PHIP: variants seen among roughly 807,000 people sequenced by gnomAD.
PHIP encodes PH-interacting protein.
In PHIP, 54 loss-of-function variants were observed where a neutral mutation model predicts 236.8. The observed-to-expected ratio is 0.23, with a 90% CI of 0.18 to 0.29. PHIP has a LOEUF of 0.29. Among genes scored for constraint, PHIP ranks in the 10% least tolerant of loss-of-function variants. PHIP has a pLI of 1.00. For synonymous variants in PHIP, 756 were observed against 718.9 expected, an observed-to-expected ratio of 1.05 and a Z score of -0.83; for missense variants, 1,370 against 2,190.8, an observed-to-expected ratio of 0.63 and a Z score of 7.48.
At chr6:79,010,386 C>T (rs1444870774) in intron 15 of PHIP, among the ~76,000 whole-genome samples, 1 of 150,510 alleles carries the variant, frequency 6.6e-6, no homozygotes, top group East Asian at 1.9e-4. Flanking sequence ...TTAGTGGACA[C>T]TGGAACTTTT....
At chr6:78,952,262 T>C (rs1368471686) in intron 35 of PHIP, among the ~76,000 whole-genome samples, 1 of 151,598 alleles carries the variant, frequency 6.6e-6, no homozygotes, top group Non-Finnish European at 1.5e-5. Flanking sequence ...CTACTAAAAA[T>C]ATACAAATTA....
chr6:78,975,477 T>C (rs914764865), intron 24 of PHIP, among the ~76,000 whole-genome samples: 20 of 152,018 alleles, frequency 1.3e-4, no homozygotes, highest in South Asian at 2.1e-4. Flanking sequence ...ACAGGGATGC[T>C]CTCTCTCACC....
At chr6:78,986,552 C>T (rs2127720608) in intron 21 of PHIP, among the ~76,000 whole-genome samples, 1 of 152,298 alleles carries the variant, frequency 6.6e-6, no homozygotes, top group African/African-American at 2.4e-5. Flanking sequence ...CAAGGCGGCA[C>T]AACTAATAAG....
At chr6:78,950,676 G>T (rs1436777357) in intron 35 of PHIP, among the ~76,000 whole-genome samples, 1 of 151,930 alleles carries the variant, frequency 6.6e-6, no homozygotes, top group Admixed American at 6.6e-5. Context: ...TATTTGCAGG[G>T]TCTACAGTGA....
At chr6:78,990,663 T>C (rs1383120526) in intron 20 of PHIP, among the ~76,000 whole-genome samples, 1 of 152,084 alleles carries the variant, frequency 6.6e-6, no homozygotes, top group Non-Finnish European at 1.5e-5. Context: ...AATTGGCACT[T>C]TGGGAAAGGG....
At chr6:78,971,542 G>T (rs893289462) in intron 24 of PHIP, among the ~76,000 whole-genome samples, 2 of 152,170 alleles carry the variant, frequency 1.3e-5, no homozygotes, top group African/African-American at 4.8e-5. Flanking sequence ...GGCCGAATAG[G>T]AACAGCTCCG....
rs961456942 is a variant in PHIP at position 79,060,344 on chromosome 6, T to A, written c.439+134A>T. 6.9e-5 allele frequency: 38 copies of A among 552,604 alleles called. No individual in the cohort carries two copies. In the Admixed American group the frequency reaches 8.5e-4, roughly 12 times the overall value. The allele number at this position is 552,604 out of a possible 1,614,324, so 34.2% of individuals were successfully genotyped here. ...TTAAAACTACTACTAAGAAAAAAAATCTATTTTTTTCTTTTTGAATGCAGA... is the reference window on the plus strand; with the variant it reads ...TTAAAACTACTACTAAGAAAAAAAAACTATTTTTTTCTTTTTGAATGCAGA... On this transcript the variant is annotated intron_variant, in intron 6 of 39. Coordinates refer to ENST00000275034, the MANE Select transcript of PHIP (RefSeq NM_017934.7).
At chr6:79,077,062 G>T (rs1231292373) in intron 4 of PHIP, among the ~76,000 whole-genome samples, 2 of 152,196 alleles carry the variant, frequency 1.3e-5, no homozygotes, top group Admixed American at 6.5e-5. Flanking sequence ...CGTGCAGAGC[G>T]AGCAAGCGAA....
chr6:79,078,109 C>A lies in PHIP; in HGVS notation c.-41G>T, dbSNP rs775367513. On this transcript the variant is annotated 5_prime_UTR_variant, in exon 1 of 40. Coordinates refer to ENST00000275034, the MANE Select transcript of PHIP (RefSeq NM_017934.7). ...CAGGGCCGCCGACGGGACACCCCGCCGCCGAGGGGAAGCGGGGACGGTGCC... is the reference window on the plus strand; with the variant it reads ...CAGGGCCGCCGACGGGACACCCCGCAGCCGAGGGGAAGCGGGGACGGTGCC... 5 of 1,601,264 alleles carry A rather than the reference C, an allele frequency of 3.1e-6. No individual in the cohort carries two copies. The Admixed American group carries it at 8.4e-5, about 27-fold the overall frequency.
chr6:79,012,795 A>G (rs1770656489), intron 15 of PHIP, among the ~76,000 whole-genome samples: 1 of 151,716 alleles, frequency 6.6e-6, no homozygotes, highest in African/African-American at 2.4e-5. Flanking sequence ...ATTTGCCCAT[A>G]AATAAAACAA....
intron 4 of PHIP, among the ~76,000 whole-genome samples, chr6:79,064,865 T>C (rs1773550544): frequency 6.6e-6 from 1 of 152,202 alleles, no homozygotes; most frequent in African/African-American, 2.4e-5. Context: ...TAGCAAACTT[T>C]CTTAAAACAG....
In PHIP at chr6:78,970,765, TA is replaced by T. The variant is rs1309762449; in HGVS notation, c.2997+15del. Reference sequence around the variant, plus strand: ...TTGTATTTTTGGGGCTATTAAATAATAAATCAATGTCATACCCGTAGCTCCA... The same window carrying T: ...TTGTATTTTTGGGGCTATTAAATAATAATCAATGTCATACCCGTAGCTCCA... On this transcript the variant is annotated intron_variant, in intron 25 of 39. Transcript: ENST00000275034. The T allele has an allele frequency of 6.8e-7, 1 of 1,480,852 alleles. No homozygotes were observed. The highest frequency in any genetic ancestry group is 9.3e-7 in the Non-Finnish European group (1 of 1,076,138). 91.7% of individuals were successfully genotyped at this position (1,480,852 alleles called of 1,614,324 possible).
chr6:79,048,662 G>A (rs902538801), intron 6 of PHIP, among the ~76,000 whole-genome samples: 2 of 149,490 alleles, frequency 1.3e-5, no homozygotes, highest in African/African-American at 4.8e-5. Context: ...AAATACAAAG[G>A]TTAGTGTTTT....
chr6:79,015,081 C>T lies in PHIP; in HGVS notation c.1524+1G>A. The stretch of plus-strand genomic sequence containing the variant: ...TATAAAATGAAGAGAATGATAATTA[C>T]CATATTGAAATAAGATCGTATTTTG... On this transcript the variant is annotated splice_donor_variant, in intron 15 of 39. Transcript: ENST00000275034. LOFTEE classifies it high-confidence loss of function. 1 of 1,608,806 alleles carries T rather than the reference C, an allele frequency of 6.2e-7. No homozygotes were observed. Among genetic ancestry groups the T allele is most frequent in the Non-Finnish European group, 8.5e-7 (1 of 1,175,854 alleles).
At chr6:78,999,741 T>C (rs1383245745) in intron 17 of PHIP, among the ~76,000 whole-genome samples, 1 of 151,924 alleles carries the variant, frequency 6.6e-6, no homozygotes, top group East Asian at 1.9e-4. Context: ...TGAAATGAAG[T>C]AGTAGTAAGA....
intron 35 of PHIP, among the ~76,000 whole-genome samples, chr6:78,949,969 G>A (rs756400130): frequency 3.3e-5 from 5 of 152,140 alleles, no homozygotes; most frequent in Admixed American, 1.3e-4. Flanking sequence ...GATTACAGGT[G>A]TGAGCCACCA....
chr6:79,061,425 G>A (rs1483028735), intron 4 of PHIP, among the ~76,000 whole-genome samples: 1 of 152,028 alleles, frequency 6.6e-6, no homozygotes, highest in African/African-American at 2.4e-5. Context: ...TTTTTCTCAT[G>A]AATGCACGGT....
In PHIP at chr6:78,940,798, T is replaced by C. The variant is rs1773462115; in HGVS notation, c.5361A>G (p.Gln1787=). 6.2e-7 allele frequency: 1 copy of C among 1,613,938 alleles called. No homozygotes were observed. The highest frequency in any genetic ancestry group is 8.5e-7 in the Non-Finnish European group (1 of 1,179,858). The stretch of plus-strand genomic sequence containing the variant: ...AGGTGTCTTCGAACAACAGCTGCCT[T>C]TGCTCCTCTTCAGAGTCATCCTCAT... ...FYNEDDSEEE[Q]RQLLFEDTSL... The change falls in exon 40 of 40, where the codon CAA becomes CAG. Residue 1787 remains glutamine (Q), a synonymous_variant. Transcript: ENST00000275034.
intron 6 of PHIP, among the ~76,000 whole-genome samples, chr6:79,059,591 TTATATATATATATATATA>T (rs72226338): frequency 3.5e-5 from 3 of 84,734 alleles, no homozygotes; most frequent in African/African-American, 4.7e-5. Flanking sequence ...GAAAGCAAAA[TTATATATATATATATATA>T]TATATATATA....
Sources: gnomAD v4.1 joint callset for allele counts (sites outside exome capture counted in the v4.1 genomes callset) on GRCh38, gnomAD v4.1.1 for gene constraint, MANE v1.5 for transcripts, NCBI Gene and HGNC (gene_info 2026-07-23, HGNC 2026-07-21) for gene names.